TYK2: variants seen among roughly 807,000 people sequenced by gnomAD.
TYK2 encodes the protein non-receptor tyrosine-protein kinase TYK2.
A neutral mutation model predicts 130.9 loss-of-function variants in TYK2; 65 were observed. That is an observed-to-expected ratio of 0.50 (90% confidence interval 0.41 to 0.61). The LOEUF is 0.61. TYK2 is among the 20% of genes least tolerant of loss of function. The probability of loss-of-function intolerance (pLI) is 0.00; values close to 1 mark genes in which losing one functional copy is unlikely to be tolerated. For missense variants in TYK2, 1,378 were observed against 1,610.7 expected, an observed-to-expected ratio of 0.86 and a Z score of 2.47; for synonymous variants, 647 against 658.9, an observed-to-expected ratio of 0.98 and a Z score of 0.28.
chr19:10,369,963 G>A (rs539876251), intron 3 of TYK2: 4 of 330,018 alleles, frequency 1.2e-5, no homozygotes, highest in Admixed American at 4.3e-5. Context: ...AGAATGGTGT[G>A]AATTCAGGAG....
At position 10,353,266 on chromosome 19, in the gene TYK2, G is replaced by C. The variant is rs538875525; in HGVS notation, c.3028-168C>G. The C allele has an allele frequency of 4.1e-4, 256 of 618,764 alleles. 1 individual carries two copies. The Middle Eastern group carries it at 4.5e-3, about 11-fold the overall frequency. 38.3% of individuals were successfully genotyped at this position (618,764 alleles called of 1,614,324 possible). On this transcript the variant is annotated intron_variant, in intron 21 of 24. Coordinates refer to ENST00000525621, the MANE Select transcript of TYK2 (RefSeq NM_003331.5). The surrounding 1 kb of genome is among the most constrained non-coding windows in gnomAD (Gnocchi z 6.9). Reference sequence around the variant, plus strand: ...GTGGCACCAAGCAAAAGGAGGCTGAGCCAGAAAGCAGGGACGGGGCTAGAC... The same window carrying C: ...GTGGCACCAAGCAAAAGGAGGCTGACCCAGAAAGCAGGGACGGGGCTAGAC...
chr19:10,364,690 T>C lies in TYK2; in HGVS notation c.1291A>G (p.Ser431Gly), dbSNP rs2041569756. ...GCCACCTCGTGGCACAGGTAGTGGC[T>C]GGAGTCGGCCGTCAGGCGGAAATAG... ...DGYFRLTADSSHYLCHEVAPP... is the reference protein window; with the variant it reads ...DGYFRLTADSGHYLCHEVAPP... Residue 431 changes from serine to glycine, a missense_variant, in exon 9 of 25, where the codon AGC becomes GGC. Transcript: ENST00000525621. This position sits in a 1 kb window ranked among gnomAD's most constrained non-coding sequence, Gnocchi z 4.9. The C allele has an allele frequency of 6.2e-7, 1 of 1,613,640 alleles. No homozygotes were observed.
chr19:10,359,048 G>A, intron 15 of TYK2, 127 bp downstream of exon 15: 1 of 1,304,292 alleles, frequency 7.7e-7, no homozygotes, highest in Non-Finnish European at 1.1e-6. Flanking sequence ...GGGTGACAGG[G>A]CGAAACTCCA....
chr19:10,354,186 C>A lies in TYK2; in HGVS notation c.2764G>T (p.Gly922Cys). The stretch of plus-strand genomic sequence containing the variant: ...TTCACCGCCACCATCTCGCCAGTGC[C>A]GTCGTTGGTCGGATCGTAGCAGTAC... Reference protein sequence around the residue: ...SLYCYDPTNDGTGEMVAVKAL... With the variant: ...SLYCYDPTNDCTGEMVAVKAL... The change falls in exon 20 of 25, where the codon GGC becomes TGC. Residue 922 changes from glycine to cysteine, a missense_variant. Physicochemically the swap from Gly to Cys is radical, Grantham distance 159 (BLOSUM62 -3). Transcript: ENST00000525621. 6.2e-7 allele frequency: 1 copy of A among 1,613,778 alleles called. No individual in the cohort carries two copies. Among genetic ancestry groups the A allele is most frequent in the Non-Finnish European group, 8.5e-7 (1 of 1,180,030 alleles).
intron 18 of TYK2, 126 bp downstream of exon 18, chr19:10,356,442 C>A: frequency 1.7e-6 from 2 of 1,188,950 alleles, no homozygotes; most frequent in Non-Finnish European, 2.4e-6. Flanking sequence ...CTTATGAATG[C>A]CACTGCAAGA....
At chr19:10,367,681 G>A (rs2041729084) in intron 5 of TYK2, among the ~76,000 whole-genome samples, 1 of 151,482 alleles carries the variant, frequency 6.6e-6, no homozygotes, top group Admixed American at 6.6e-5. Flanking sequence ...AGCACTTTGG[G>A]AGGCCGAGGC....
At position 10,379,749 on chromosome 19, in the gene TYK2, A is replaced by T. The variant is rs1172007014; in HGVS notation, c.-155T>A. 4 of 152,288 alleles carry T rather than the reference A, an allele frequency of 2.6e-5. No homozygotes were observed. The highest frequency in any genetic ancestry group is 4.4e-5 in the Non-Finnish European group (3 of 68,038). 9.4% of individuals were successfully genotyped at this position (152,288 alleles called of 1,614,324 possible). Reference sequence around the variant, plus strand: ...AAAGATGGTTGTAATGTTTCAATATAGTTCCGCATATTACACATTCAGCAC... The same window carrying T: ...AAAGATGGTTGTAATGTTTCAATATTGTTCCGCATATTACACATTCAGCAC... On this transcript the variant is annotated 5_prime_UTR_variant, in exon 2 of 25. Transcript: ENST00000525621.
In TYK2 at chr19:10,359,215, A is replaced by G. The variant is rs1038803054; in HGVS notation, c.2135T>C (p.Met712Thr). The change falls in exon 15 of 25, where the codon ATG (methionine) becomes ACG (threonine). Residue 712 changes from methionine (M) to threonine (T), a missense_variant. By Grantham distance (81) the Met-to-Thr change is moderately conservative. Coordinates refer to ENST00000525621, the MANE Select transcript of TYK2 (RefSeq NM_003331.5). ...GCTGGCCAGCTGCTGGGCCACCACC[A>G]TCTTCCAAGCCATGGGCACATGGCC... ...ERGHVPMAWK[M>T]VVAQQLASAL... The G allele has an allele frequency of 6.2e-7, 1 of 1,608,200 alleles. No homozygotes were observed. The highest frequency in any genetic ancestry group is 1.3e-5 in the African/African-American group (1 of 74,924).
intron 14 of TYK2, chr19:10,360,857 A>G (rs922136228): frequency 4.6e-6 from 1 of 218,372 alleles, no homozygotes; most frequent in African/African-American, 2.3e-5. Context: ...GGCTCAAGTG[A>G]TCCTTCCATT....
rs774268489 is a variant in TYK2 at position 10,354,112 on chromosome 19, C to T, written c.2838G>A (p.Gln946=). ...AGAGCGTGCGCAGAATGTCAATCTC[C>T]TGCTTCCAGCCCGAGCGGTGCTGGG... The part of the protein sequence containing the change: ...CGPQHRSGWK[Q]EIDILRTLYH... The change falls in exon 20 of 25, where the codon CAG becomes CAA. Residue 946 remains glutamine (Q), a synonymous_variant. Transcript: ENST00000525621. 5.6e-6 allele frequency: 9 copies of T among 1,614,130 alleles called. No individual in the cohort carries two copies. Among genetic ancestry groups the T allele is most frequent in the South Asian group, 1.1e-5 (1 of 91,092 alleles).
At position 10,364,594 on chromosome 19, in the gene TYK2, GC is replaced by G. The variant is rs748961413; in HGVS notation, c.1367+19del. 3 of 1,613,170 alleles carry G rather than the reference GC, an allele frequency of 1.9e-6. No homozygotes were observed. The highest frequency in any genetic ancestry group is 2.5e-6 in the Non-Finnish European group (3 of 1,179,870). On this transcript the variant is annotated intron_variant, in intron 9 of 24. Coordinates refer to ENST00000525621, the MANE Select transcript of TYK2 (RefSeq NM_003331.5). This position sits in a 1 kb window ranked among gnomAD's most constrained non-coding sequence, Gnocchi z 4.9. ...GGCACCCTTGGCGGTGGCCCCCAGC[GC>G]CCCCCACCCAGCACTCACAGCAGGG...
chr19:10,356,858 G>A, intron 17 of TYK2, 140 bp from the exon 18 acceptor site: 1 of 873,750 alleles, frequency 1.1e-6, no homozygotes, highest in East Asian at 2.7e-5. Context: ...GGCAACTGAG[G>A]CTCCACAAAG....
rs569896082 is a variant in TYK2, at chr19:10,362,149, G to A, written c.1702C>T (p.Arg568Trp). Residue 568 changes from arginine (R) to tryptophan (W), a missense_variant, in exon 12 of 25, where the codon CGG becomes TGG. Coordinates refer to ENST00000525621, the MANE Select transcript of TYK2 (RefSeq NM_003331.5). ...AGGTTGAGTGTCCTGGGGCTGGCCC[G>A]AGCCCCCCGCATGATGATGAGATTG... ...TSNLIIMRGARASPRTLNLSQ... is the reference protein window; with the variant it reads ...TSNLIIMRGAWASPRTLNLSQ... 97 of 1,613,976 alleles carry A rather than the reference G, an allele frequency of 6.0e-5. 1 individual carries two copies. In the South Asian group the frequency reaches 9.1e-4, roughly 15 times the overall value.
intron 15 of TYK2, among the ~76,000 whole-genome samples, 160 bp from the exon 16 acceptor site, chr19:10,358,298 T>G (rs1168519035): frequency 4.1e-5 from 6 of 145,772 alleles, no homozygotes; most frequent in Admixed American, 6.8e-5. Context: ...TTTCTTGTTT[T>G]TTTTTTTTTT....
intron 17 of TYK2, chr19:10,357,008 G>A (rs1436023150): frequency 1.2e-5 from 6 of 500,368 alleles, no homozygotes; most frequent in Non-Finnish European, 2.2e-5. Flanking sequence ...TTAATACACT[G>A]AAGCCTCAGC....
At chr19:10,374,450 T>C (rs936527762) in intron 3 of TYK2, among the ~76,000 whole-genome samples, 2 of 148,320 alleles carry the variant, frequency 1.3e-5, no homozygotes, top group African/African-American at 5.0e-5. Flanking sequence ...CCAGGTGTGG[T>C]GGTGGGCGCC....
intron 3 of TYK2, among the ~76,000 whole-genome samples, chr19:10,377,816 G>A: frequency 1.3e-5 from 1 of 79,414 alleles, no homozygotes; most frequent in Non-Finnish European, 2.5e-5. Context: ...ATGAGTGGGT[G>A]GGTGGATGTA....
chr19:10,354,878 C>T (rs1359174600), intron 18 of TYK2, among the ~76,000 whole-genome samples: 1 of 150,052 alleles, frequency 6.7e-6, no homozygotes, highest in Non-Finnish European at 1.5e-5. Flanking sequence ...GGTGAAACCC[C>T]CTCTCTACAA....
intron 14 of TYK2, among the ~76,000 whole-genome samples, chr19:10,359,578 G>T (rs1038594658): frequency 6.6e-6 from 1 of 152,174 alleles, no homozygotes; most frequent in African/African-American, 2.4e-5. Context: ...GGGCGTAGTG[G>T]CTCACGCCTG....
Sources: allele counts gnomAD v4.1 joint callset (sites outside exome capture counted in the v4.1 genomes callset), GRCh38; gene constraint gnomAD v4.1.1; non-coding constraint Gnocchi (gnomAD v3.1); transcripts MANE v1.5; gene names NCBI Gene and HGNC (gene_info 2026-07-23, HGNC 2026-07-21).